Variants in GOLM1 observed in about 807,000 individuals in gnomAD.
GOLM1 encodes epididymis luminal protein 46.
A neutral mutation model predicts 50.5 loss-of-function variants in GOLM1; 31 were observed. That is an observed-to-expected ratio of 0.61 (90% confidence interval 0.46 to 0.83). The LOEUF is 0.83. Among genes scored for constraint, GOLM1 ranks in the 40% least tolerant of loss-of-function variants. The probability of loss-of-function intolerance (pLI) is 0.00; values close to 1 mark genes in which losing one functional copy is unlikely to be tolerated. For synonymous variants in GOLM1, 178 were observed against 192.8 expected (o/e 0.92, Z 0.64); for missense variants, 491 against 501.3 (o/e 0.98, Z 0.20).
intron 1 of GOLM1, among the ~76,000 whole-genome samples, chr9:86,090,963 A>G (rs10868371): frequency 0.24 from 36,676 of 151,956 alleles, 7,524 homozygotes; most frequent in African/African-American, 0.54. Flanking sequence ...GCCAGAGTGC[A>G]CTGTCCCTCA....
At chr9:86,055,834 T>G (rs746429122) in intron 3 of GOLM1, among the ~76,000 whole-genome samples, 27 of 152,170 alleles carry the variant, frequency 1.8e-4, no homozygotes, top group Middle Eastern at 3.2e-3. Flanking sequence ...GACCCAGGGT[T>G]GCAGAATTAA....
At chr9:86,046,076 A>G (rs1833529337) in intron 5 of GOLM1, among the ~76,000 whole-genome samples, 1 of 152,240 alleles carries the variant, frequency 6.6e-6, no homozygotes, top group Admixed American at 6.5e-5. Context: ...GTCTGAAGAA[A>G]ACAATGTCCA....
At chr9:86,035,866 CAAAAAAAAAAACAAAACAAAAAAA>C (rs1833118670) in intron 7 of GOLM1, among the ~76,000 whole-genome samples, 1 of 46,740 alleles carries the variant, frequency 2.1e-5, no homozygotes, top group Admixed American at 2.7e-4. Flanking sequence ...AGTAGCTTAC[CAAAAAAAAAAACAAAACAAAAAAA>C]AAAAAACACC....
At chr9:86,058,623 G>C (rs1019523357) in intron 3 of GOLM1, among the ~76,000 whole-genome samples, 4 of 150,666 alleles carry the variant, frequency 2.7e-5, no homozygotes, top group Non-Finnish European at 5.9e-5. Context: ...TTGAACATAG[G>C]AGGCGGAGGT....
intron 9 of GOLM1, among the ~76,000 whole-genome samples, chr9:86,031,226 A>G (rs1332337208): frequency 1.3e-5 from 2 of 151,770 alleles, no homozygotes; most frequent in African/African-American, 2.4e-5. Flanking sequence ...AAAAAAAAAA[A>G]GGGCATCGGC....
At chr9:86,030,500 C>T (rs780052786) in intron 9 of GOLM1, among the ~76,000 whole-genome samples, 1 of 152,148 alleles carries the variant, frequency 6.6e-6, no homozygotes, top group African/African-American at 2.4e-5. Flanking sequence ...TTTAGGGGGA[C>T]ATTGTTGAAA....
intron 3 of GOLM1, among the ~76,000 whole-genome samples, chr9:86,072,123 C>T (rs896505577): frequency 1.1e-4 from 17 of 152,046 alleles, no homozygotes; most frequent in South Asian, 2.1e-4. Flanking sequence ...TGTTTTTGAA[C>T]GTGTATAGTA....
chr9:86,053,333 T>TCC (rs1833838374), intron 3 of GOLM1, among the ~76,000 whole-genome samples: 2 of 62,430 alleles, frequency 3.2e-5, no homozygotes, highest in Non-Finnish European at 3.1e-5. Flanking sequence ...CACACCACAC[T>TCC]ACACCACGCC....
chr9:86,090,763 C>T (rs960979331), intron 1 of GOLM1, among the ~76,000 whole-genome samples: 3 of 123,766 alleles, frequency 2.4e-5, no homozygotes, highest in African/African-American at 6.2e-5. Context: ...GTCTCGCTGG[C>T]GTTCCAAGTG....
intron 3 of GOLM1, among the ~76,000 whole-genome samples, chr9:86,061,722 C>T (rs11141208): frequency 5.3e-5 from 8 of 152,160 alleles, no homozygotes; most frequent in Non-Finnish European, 1.0e-4. Flanking sequence ...TTACAGACAC[C>T]TCAAGTGGGA....
intron 3 of GOLM1, among the ~76,000 whole-genome samples, chr9:86,055,890 C>T (rs1055951542): frequency 3.5e-4 from 53 of 152,168 alleles, no homozygotes; most frequent in African/African-American, 1.3e-3. Context: ...CTTCACATCA[C>T]TGATCTGTAC....
At chr9:86,099,648 G>A (rs1260228266), upstream of GOLM1, 1 of 150,152 alleles carries the variant, frequency 6.7e-6, no homozygotes, top group African/African-American at 2.4e-5. Context: ...AGCGAGGCAG[G>A]GGCTGCCGGG....
intron 1 of GOLM1, among the ~76,000 whole-genome samples, chr9:86,092,908 C>T (rs538875970): frequency 1.3e-5 from 2 of 152,326 alleles, no homozygotes; most frequent in South Asian, 2.1e-4. Flanking sequence ...TGATATACTG[C>T]ATCAAACAGA....
At chr9:86,042,652 G>A (rs547419536) in intron 5 of GOLM1, among the ~76,000 whole-genome samples, 13 of 152,254 alleles carry the variant, frequency 8.5e-5, no homozygotes, top group African/African-American at 2.6e-4. Context: ...GAAACATAGC[G>A]AACAAAAAGC....
rs569264844 is a variant in GOLM1 at position 86,069,105 on chromosome 9, T to C, written c.309+8307A>G. Among the ~76,000 whole-genome samples, 5 of 151,822 alleles carry C rather than the reference T, an allele frequency of 3.3e-5. No individual in the cohort carries two copies. In the East Asian group the frequency reaches 9.7e-4, roughly 29 times the overall value. ...AAAGTATTATAAGTATATTATTAAG[T>C]AGTAACTAATAAAAGCTTACATGTA... On this transcript the variant is annotated intron_variant, in intron 3 of 9. Coordinates refer to ENST00000388712, the MANE Select transcript of GOLM1 (RefSeq NM_016548.4).
chr9:86,086,834 C>T (rs148077184), intron 1 of GOLM1, among the ~76,000 whole-genome samples: 11 of 152,276 alleles, frequency 7.2e-5, no homozygotes, highest in African/African-American at 2.2e-4. Flanking sequence ...GTACCAGTAC[C>T]ATGCTGTTTT....
rs143512364 is a variant in GOLM1, at chr9:86,087,390, A to C, written c.-21-8049T>G. Among the ~76,000 whole-genome samples the C allele has an allele frequency of 6.7e-3, 1,019 of 152,346 alleles. 30 individuals are homozygous for C. The highest frequency in any genetic ancestry group is 0.059 in the Admixed American group (899 of 15,302). On this transcript the variant is annotated intron_variant, in intron 1 of 9. Coordinates refer to ENST00000388712, the MANE Select transcript of GOLM1 (RefSeq NM_016548.4). ...TAAATATACAATCATGTTGTCTGCA[A>C]ACAGGGATCATATGACTTCCTCTCT...
chr9:86,088,033 C>A, intron 1 of GOLM1, among the ~76,000 whole-genome samples: 1 of 152,028 alleles, frequency 6.6e-6, no homozygotes, highest in Non-Finnish European at 1.5e-5. Context: ...CCTCTTTGTA[C>A]CTCTGGTAGA....
At position 86,032,546 on chromosome 9, in the gene GOLM1, G is replaced by A. The variant is rs149264889; in HGVS notation, c.1129+736C>T. On this transcript the variant is annotated intron_variant, in intron 9 of 9. Transcript: ENST00000388712. The stretch of plus-strand genomic sequence containing the variant: ...AACAAGTGTGTTGGAGGAGGGAGAG[G>A]AGTTCCTTAAAAAATGTCAGGTAAT... Among the ~76,000 whole-genome samples the A allele has an allele frequency of 3.4e-3, 513 of 152,264 alleles. 2 individuals carry two copies. Among genetic ancestry groups the A allele is most frequent in the Non-Finnish European group, 6.1e-3 (412 of 68,010 alleles).
Sources: gnomAD v4.1 joint callset for allele counts (sites outside exome capture counted in the v4.1 genomes callset) on GRCh38, gnomAD v4.1.1 for gene constraint, MANE v1.5 for transcripts, NCBI Gene and HGNC (gene_info 2026-07-23, HGNC 2026-07-21) for gene names.